Variants in SLC44A5 observed in about 807,000 individuals in gnomAD.
SLC44A5 encodes the protein choline transporter-like protein 5.
Under a neutral mutation model 101.8 loss-of-function variants are expected in SLC44A5, and 57 were observed. The observed-to-expected ratio is 0.56, with a 90% CI of 0.45 to 0.70. The LOEUF is 0.70. SLC44A5 is among the 30% of genes least tolerant of loss of function. The pLI, the probability that SLC44A5 is intolerant of heterozygous loss-of-function variation, is 0.00. For missense variants in SLC44A5, 737 were observed against 853.1 expected, an observed-to-expected ratio of 0.86 and a Z score of 1.70; for synonymous variants, 281 against 290.9, an observed-to-expected ratio of 0.97 and a Z score of 0.35.
At chr1:75,231,667 T>G (rs983212037) in intron 12 of SLC44A5, among the ~76,000 whole-genome samples, 24 of 152,184 alleles carry the variant, frequency 1.6e-4, no homozygotes, top group African/African-American at 5.8e-4. Context: ...TAAGCATTAT[T>G]TTGTTTAGTA....
rs34086425 is a variant in SLC44A5, at chr1:75,576,490, A to AT, written c.-70+34549dup. Among the ~76,000 whole-genome samples, 206 of 150,692 alleles carry AT rather than the reference A, an allele frequency of 1.4e-3. 2 individuals carry two copies. The East Asian group carries it at 0.014, about 11-fold the overall frequency. On this transcript the variant is annotated intron_variant, in intron 1 of 23. Transcript: ENST00000370859. ...CACCACGCCCGGCTAATTTTTTTGT[A>AT]TTTTTTTTTAGTAGAGACGGGGTTT...
intron 10 of SLC44A5, 128 bp downstream of exon 10, chr1:75,238,385 C>CATATATATAT (rs71081318): frequency 0.013 from 2,746 of 214,878 alleles, 41 homozygotes; most frequent in South Asian, 0.027. Flanking sequence ...ACGTATATTT[C>CATATATATAT]ATATATATAT....
chr1:75,258,555 T>C (rs569581391), intron 6 of SLC44A5, among the ~76,000 whole-genome samples: 14 of 152,102 alleles, frequency 9.2e-5, no homozygotes, highest in African/African-American at 3.1e-4. Context: ...AACCCCCAAC[T>C]CCCTGGGACA....
Position 75,385,750 on chromosome 1 carries a change from C to A in SLC44A5, c.52+10833G>T, listed in dbSNP as rs375904643. Among the ~76,000 whole-genome samples, 298 of 151,902 alleles carry A rather than the reference C, an allele frequency of 2.0e-3. 1 individual carries two copies. The highest frequency in any genetic ancestry group is 6.7e-3 in the African/African-American group (276 of 41,440). ...TGATACCAAAGCCGGGCAGAGACAC[C>A]ACCAAAAAAGAGAATTTTAGACCAA... On this transcript the variant is annotated intron_variant, in intron 3 of 23. Transcript: ENST00000370859.
chr1:75,618,072 T>C, the SLC44A5 span, among the ~76,000 whole-genome samples: 1 of 152,178 alleles, frequency 6.6e-6, no homozygotes, highest in African/African-American at 2.4e-5. Flanking sequence ...TACCCAGCTC[T>C]CTCCACAACA....
At chr1:75,356,229 A>AAG in intron 3 of SLC44A5, among the ~76,000 whole-genome samples, 1 of 151,148 alleles carries the variant, frequency 6.6e-6, no homozygotes. Context: ...AAAAAAAAAA[A>AAG]AAAGAGATAT....
chr1:75,516,294 C>T (rs1431325115), intron 2 of SLC44A5, among the ~76,000 whole-genome samples: 1 of 152,106 alleles, frequency 6.6e-6, no homozygotes, highest in Non-Finnish European at 1.5e-5. Context: ...GCGGGTGGAT[C>T]ACGAGGTCAG....
chr1:75,275,337 T>TA (rs1327409011), intron 5 of SLC44A5, among the ~76,000 whole-genome samples: 1 of 152,166 alleles, frequency 6.6e-6, no homozygotes, highest in East Asian at 1.9e-4. Context: ...GGGCACATTA[T>TA]AAAAGCTCAG....
the SLC44A5 span, among the ~76,000 whole-genome samples, chr1:75,681,001 A>G: frequency 0.25 from 38,070 of 149,540 alleles, 5,104 homozygotes; most frequent in Middle Eastern, 0.37. Context: ...CAAATAAACT[A>G]GAAAATCTAG....
At chr1:75,591,920 T>G (rs994441850) in intron 1 of SLC44A5, among the ~76,000 whole-genome samples, 3 of 151,686 alleles carry the variant, frequency 2.0e-5, no homozygotes, top group Non-Finnish European at 4.4e-5. Context: ...CCACAGCTAG[T>G]GTCTACTGAA....
At chr1:75,322,007 T>C (rs1656187427) in intron 4 of SLC44A5, among the ~76,000 whole-genome samples, 1 of 152,140 alleles carries the variant, frequency 6.6e-6, no homozygotes, top group Non-Finnish European at 1.5e-5. Flanking sequence ...GCTTTAAAAA[T>C]TGATCTTTAA....
chr1:75,452,024 C>T (rs559441309), intron 2 of SLC44A5, among the ~76,000 whole-genome samples: 1 of 152,150 alleles, frequency 6.6e-6, no homozygotes, highest in East Asian at 1.9e-4. Flanking sequence ...GAGAGGGAGG[C>T]ATCCAGATAC....
intron 1 of SLC44A5, among the ~76,000 whole-genome samples, chr1:75,599,656 T>C (rs1674857828): frequency 6.6e-6 from 1 of 152,132 alleles, no homozygotes; most frequent in Non-Finnish European, 1.5e-5. Flanking sequence ...AAGTTGACAT[T>C]TGTGCTTAAT....
the SLC44A5 span, among the ~76,000 whole-genome samples, chr1:75,639,068 G>A: frequency 2.6e-5 from 4 of 152,008 alleles, no homozygotes; most frequent in Non-Finnish European, 5.9e-5. Flanking sequence ...AAGAGAGTTG[G>A]AAAGATGTTG....
chr1:75,567,899 G>A (rs1191297887), intron 1 of SLC44A5, among the ~76,000 whole-genome samples: 1 of 152,090 alleles, frequency 6.6e-6, no homozygotes. Flanking sequence ...CTTATTATTG[G>A]AAGAGCAATT....
intron 2 of SLC44A5, among the ~76,000 whole-genome samples, chr1:75,480,898 A>G (rs1667801338): frequency 6.6e-6 from 1 of 152,210 alleles, no homozygotes; most frequent in South Asian, 2.1e-4. Context: ...AATTGGAAAA[A>G]ACTACTTTAA....
chr1:75,260,147 C>A (rs547801283), intron 6 of SLC44A5, among the ~76,000 whole-genome samples: 28 of 152,108 alleles, frequency 1.8e-4, no homozygotes, highest in Non-Finnish European at 3.4e-4. Context: ...CAGCTGGCAT[C>A]ATAATGGCAG....
intron 1 of SLC44A5, among the ~76,000 whole-genome samples, chr1:75,566,244 C>A (rs1196787752): frequency 6.6e-6 from 1 of 152,110 alleles, no homozygotes; most frequent in Non-Finnish European, 1.5e-5. Flanking sequence ...TAAAAATACA[C>A]GTGTGGCACC....
At chr1:75,670,883 A>G in the SLC44A5 span, among the ~76,000 whole-genome samples, 11 of 152,182 alleles carry the variant, frequency 7.2e-5, no homozygotes, top group Non-Finnish European at 1.5e-4. Context: ...GTTAAAATAT[A>G]TCTGGGATTT....
Sources: allele counts gnomAD v4.1 joint callset (sites outside exome capture counted in the v4.1 genomes callset), GRCh38; gene constraint gnomAD v4.1.1; transcripts MANE v1.5; gene names NCBI Gene and HGNC (gene_info 2026-07-23, HGNC 2026-07-21).